CACNA1A: variants seen among roughly 807,000 people sequenced by gnomAD.
CACNA1A encodes calcium voltage-gated channel subunit alpha1 A.
CACNA1A carries 57 observed loss-of-function variants against 262.4 expected under a neutral mutation model. The observed-to-expected ratio is 0.22, with a 90% CI of 0.18 to 0.27. CACNA1A has a LOEUF of 0.27. Among genes scored for constraint, CACNA1A ranks in the 10% least tolerant of loss-of-function variants. The pLI is 1.00. For synonymous variants in CACNA1A, 1,431 were observed against 1,419.3 expected (o/e 1.01, Z -0.18); for missense variants, 2,526 against 3,562.8 (o/e 0.71, Z 7.41).
intron 22 of CACNA1A, among the ~76,000 whole-genome samples, chr19:13,279,531 G>A (rs1288602052): frequency 6.6e-6 from 1 of 152,096 alleles, no homozygotes; most frequent in Non-Finnish European, 1.5e-5. Flanking sequence ...TGTCACCCAG[G>A]CTGGAGTGCA....
Position 13,241,787 on chromosome 19 carries a change from A to G in CACNA1A, c.4950+3395T>C, listed in dbSNP as rs998813722. On this transcript the variant is annotated intron_variant, in intron 31 of 46. Transcript: ENST00000360228. This position sits in a 1 kb window ranked among gnomAD's most constrained non-coding sequence, Gnocchi z 4.0. ...GAGTTTTTCAGACGGCGTTGCGCCAATATACAGTTTTAAGAGCAGGCATGA... is the reference window on the plus strand; with the variant it reads ...GAGTTTTTCAGACGGCGTTGCGCCAGTATACAGTTTTAAGAGCAGGCATGA... 2.0e-5 allele frequency among the ~76,000 whole-genome samples: 3 copies of G among 152,174 alleles called. No homozygotes were observed. The highest frequency in any genetic ancestry group is 4.4e-5 in the Non-Finnish European group (3 of 68,036).
At chr19:13,329,809 T>TGGA (rs1300213714) in intron 10 of CACNA1A, among the ~76,000 whole-genome samples, 4 of 149,344 alleles carry the variant, frequency 2.7e-5, no homozygotes, top group Non-Finnish European at 5.9e-5. Flanking sequence ...GTGCCCAGGC[T>TGGA]GGAGTGCAGT....
In CACNA1A at chr19:13,286,975, G is replaced by C; in HGVS notation, c.3090-9C>G. ...CGGAGCCCTGGTTCTCTCTGAGGAAGGCAAGTGAATGAAAAAGAACCAACA... is the reference window on the plus strand; with the variant it reads ...CGGAGCCCTGGTTCTCTCTGAGGAACGCAAGTGAATGAAAAAGAACCAACA... On this transcript the variant is annotated splice_polypyrimidine_tract_variant and intron_variant, in intron 19 of 46. Coordinates refer to ENST00000360228, the MANE Select transcript of CACNA1A (RefSeq NM_001127222.2). The C allele has an allele frequency of 6.4e-7, 1 of 1,566,442 alleles. No individual in the cohort carries two copies. Among genetic ancestry groups the C allele is most frequent in the Non-Finnish European group, 8.7e-7 (1 of 1,154,590 alleles).
rs114056565 is a variant in CACNA1A at position 13,461,469 on chromosome 19, G to A, written c.294-6257C>T. 2.8e-3 allele frequency among the ~76,000 whole-genome samples: 422 copies of A among 152,344 alleles called. 1 individual carries two copies. Among genetic ancestry groups the A allele is most frequent in the African/African-American group, 9.6e-3 (398 of 41,586 alleles). On this transcript the variant is annotated intron_variant, in intron 1 of 46. Transcript: ENST00000360228. ...TTCATCTCAAGCCAAGTCTCCATGA[G>A]CATGTTAAGGACACAATGAAACCCC...
chr19:13,428,203 T>C (rs1036245366), intron 3 of CACNA1A, among the ~76,000 whole-genome samples: 1 of 152,114 alleles, frequency 6.6e-6, no homozygotes, highest in East Asian at 1.9e-4. Flanking sequence ...GCTGGGATTA[T>C]AGGCGTGAGC....
chr19:13,464,032 T>C (rs1263979932), intron 1 of CACNA1A, among the ~76,000 whole-genome samples: 1 of 152,126 alleles, frequency 6.6e-6, no homozygotes, highest in Non-Finnish European at 1.5e-5. Flanking sequence ...GCCCTGCATA[T>C]AGTAAGTGCT....
At chr19:13,334,259 G>A in intron 8 of CACNA1A, 119 bp downstream of exon 8, 1 of 636,326 alleles carries the variant, frequency 1.6e-6, no homozygotes, top group Non-Finnish European at 2.8e-6. Flanking sequence ...ACCAATTCAG[G>A]TTCTCTTTCT....
chr19:13,319,132 C>A (rs1389276063), intron 10 of CACNA1A, among the ~76,000 whole-genome samples: 1 of 152,114 alleles, frequency 6.6e-6, no homozygotes, highest in Admixed American at 6.6e-5. Context: ...TGGGTTCAAG[C>A]GATCCTCCCG....
intron 3 of CACNA1A, among the ~76,000 whole-genome samples, chr19:13,397,188 T>G (rs183883254): frequency 6.6e-6 from 1 of 152,142 alleles, no homozygotes. Flanking sequence ...TCCCCCCAGT[T>G]TCTGAGGTCA....
At chr19:13,437,817 A>T (rs1000230495) in intron 3 of CACNA1A, among the ~76,000 whole-genome samples, 4 of 152,104 alleles carry the variant, frequency 2.6e-5, no homozygotes, top group Non-Finnish European at 4.4e-5. Flanking sequence ...AGCCAATGGA[A>T]TCAGAGCCAG....
chr19:13,241,418 A>G lies in CACNA1A; in HGVS notation c.4950+3764T>C. ...CGGAGGGTTGAGGAGAGCGTCAGGC[A>G]TCCCACGTTGGAGAGGCAGGGTGTG... On this transcript the variant is annotated intron_variant, in intron 31 of 46. Coordinates refer to ENST00000360228, the MANE Select transcript of CACNA1A (RefSeq NM_001127222.2). The surrounding 1 kb of genome is among the most constrained non-coding windows in gnomAD (Gnocchi z 4.0). The G allele has an allele frequency of 1.3e-6, 1 of 780,852 alleles. No homozygotes were observed. Among genetic ancestry groups the G allele is most frequent in the East Asian group, 2.7e-5 (1 of 37,538 alleles). 48.4% of individuals were successfully genotyped at this position (780,852 alleles called of 1,614,324 possible). A position where few individuals can be genotyped will look rare whatever the true frequency, so the allele number is the denominator to read the frequency against.
intron 1 of CACNA1A, among the ~76,000 whole-genome samples, chr19:13,468,179 A>G (rs2145018891): frequency 6.6e-6 from 1 of 152,312 alleles, no homozygotes; most frequent in South Asian, 2.1e-4. Context: ...AAAAGTATTA[A>G]TCAATTTCAG....
intron 10 of CACNA1A, among the ~76,000 whole-genome samples, chr19:13,319,664 G>A (rs2058206573): frequency 6.6e-6 from 1 of 152,124 alleles, no homozygotes; most frequent in African/African-American, 2.4e-5. Flanking sequence ...GAAATTATTG[G>A]TCCACATTTA....
In CACNA1A at chr19:13,506,465, T is replaced by G. The variant is rs1599397738; in HGVS notation, c.-241A>C. 2.8e-4 allele frequency: 42 copies of G among 149,794 alleles called. No individual in the cohort carries two copies. Among genetic ancestry groups the G allele is most frequent in the Middle Eastern group, 2.9e-3 (1 of 344 alleles). 9.3% of individuals were successfully genotyped at this position (149,794 alleles called of 1,614,324 possible). On this transcript the variant is annotated 5_prime_UTR_variant, in exon 1 of 47. Coordinates refer to ENST00000360228, the MANE Select transcript of CACNA1A (RefSeq NM_001127222.2). ...GGGATAGCAGCTCGGGACATCTTCC[T>G]GGCTGACCCCGGAGAAGGAGGGGCG... is the stretch of plus-strand genomic sequence containing the variant.
chr19:13,274,246 T>C (rs2057094017), intron 24 of CACNA1A: 3 of 152,198 alleles, frequency 2.0e-5, no homozygotes, highest in Admixed American at 1.3e-4. Context: ...CCAAAAACTC[T>C]GGAGATTTTT....
rs979099776 is a variant in CACNA1A, at chr19:13,208,126, G to A, written c.6781-73C>T. On this transcript the variant is annotated intron_variant, in intron 46 of 46. Coordinates refer to ENST00000360228, the MANE Select transcript of CACNA1A (RefSeq NM_001127222.2). ...AATCAAAGGAGACACGGGATTGGGAGGAAGAGAGGGGAGCGAAGGGAGAGG... is the reference window on the plus strand; with the variant it reads ...AATCAAAGGAGACACGGGATTGGGAAGAAGAGAGGGGAGCGAAGGGAGAGG... The A allele has an allele frequency of 5.1e-5, 49 of 969,550 alleles. 1 individual carries two copies. The African/African-American group carries it at 7.3e-4, about 14-fold the overall frequency. The allele number at this position is 969,550 out of a possible 1,614,324, so 60.1% of individuals were successfully genotyped here.
At chr19:13,488,301 C>T (rs1351168941) in intron 1 of CACNA1A, among the ~76,000 whole-genome samples, 2 of 151,504 alleles carry the variant, frequency 1.3e-5, no homozygotes, top group African/African-American at 4.8e-5. Context: ...AGTTTTCAAA[C>T]ATTCCCCACT....
rs2144528419 is a variant in CACNA1A at position 13,212,961 on chromosome 19, C to T, written c.5941-221G>A. Reference sequence around the variant, plus strand: ...CCTGGTCCCACGTCCTCATCTCTCACTGCAGGCACCTTCTCCCAGGTCTCC... The same window carrying T: ...CCTGGTCCCACGTCCTCATCTCTCATTGCAGGCACCTTCTCCCAGGTCTCC... On this transcript the variant is annotated intron_variant, in intron 40 of 46. Coordinates refer to ENST00000360228, the MANE Select transcript of CACNA1A (RefSeq NM_001127222.2). This position sits in a 1 kb window ranked among gnomAD's most constrained non-coding sequence, Gnocchi z 5.6. Among the ~76,000 whole-genome samples, 1 of 152,250 alleles carries T rather than the reference C, an allele frequency of 6.6e-6. No individual in the cohort carries two copies. Among genetic ancestry groups the T allele is most frequent in the East Asian group, 1.9e-4 (1 of 5,186 alleles).
At position 13,475,650 on chromosome 19, in the gene CACNA1A, G is replaced by C. The variant is rs540067773; in HGVS notation, c.294-20438C>G. Among the ~76,000 whole-genome samples, 18 of 152,298 alleles carry C rather than the reference G, an allele frequency of 1.2e-4. 1 individual carries two copies. In the South Asian group the frequency reaches 3.3e-3, roughly 28 times the overall value. ...TGCCCAAAGTAAAGCAGCTTTGAAG[G>C]TGTCAGAAGTGGGACCTGAATTCAA... On this transcript the variant is annotated intron_variant, in intron 1 of 46. Transcript: ENST00000360228.
Sources: gnomAD v4.1 joint callset for allele counts (sites outside exome capture counted in the v4.1 genomes callset) on GRCh38, gnomAD v4.1.1 for gene constraint, Gnocchi (gnomAD v3.1) non-coding constraint, MANE v1.5 for transcripts, NCBI Gene and HGNC (gene_info 2026-07-23, HGNC 2026-07-21) for gene names.